Variants in ARHGEF10L observed in about 807,000 individuals in gnomAD.
ARHGEF10L encodes the protein Rho guanine nucleotide exchange factor 10 like.
Under a neutral mutation model 141.2 loss-of-function variants are expected in ARHGEF10L, and 69 were observed. The ratio of observed to expected loss-of-function variants is 0.49; its 90% confidence interval spans 0.40 to 0.60. The LOEUF (loss-of-function observed/expected upper bound fraction) is 0.60. ARHGEF10L is among the 20% of genes least tolerant of loss of function. The probability of loss-of-function intolerance (pLI) is 0.00; values close to 1 mark genes in which losing one functional copy is unlikely to be tolerated. For synonymous variants in ARHGEF10L, 711 were observed against 718.5 expected (o/e 0.99, Z 0.17); for missense variants, 1,482 against 1,734.3 (o/e 0.85, Z 2.58).
chr1:17,679,996 TGA>T (rs2063990570), intron 26 of ARHGEF10L, among the ~76,000 whole-genome samples: 1 of 152,138 alleles, frequency 6.6e-6, no homozygotes, highest in African/African-American at 2.4e-5. Flanking sequence ...TGCTCAGCGT[TGA>T]GAGTCCCCCA....
the ARHGEF10L span, among the ~76,000 whole-genome samples, chr1:17,520,676 C>T: frequency 1.1e-3 from 163 of 152,290 alleles, 1 homozygote; most frequent in Non-Finnish European, 1.9e-3. Context: ...GGTGTGACCC[C>T]GATCCTACAG....
intron 25 of ARHGEF10L, among the ~76,000 whole-genome samples, chr1:17,662,261 C>G (rs2062677094): frequency 6.6e-6 from 1 of 152,202 alleles, no homozygotes; most frequent in South Asian, 2.1e-4. Flanking sequence ...TGTGCGGACA[C>G]AGAACGCTGC....
chr1:17,619,499 G>T lies in ARHGEF10L; in HGVS notation c.942+54G>T. On this transcript the variant is annotated intron_variant, in intron 10 of 28. Coordinates refer to ENST00000361221, the MANE Select transcript of ARHGEF10L (RefSeq NM_018125.4). The surrounding 1 kb of genome is among the most constrained non-coding windows in gnomAD (Gnocchi z 5.0). ...TCTGCAGGGGAAGGGGTGGCTTGGG[G>T]GTTCCAGCCTGTTCTCTGGGGCCAC... The T allele has an allele frequency of 1.4e-6, 2 of 1,399,768 alleles. No individual in the cohort carries two copies. The highest frequency in any genetic ancestry group is 1.9e-6 in the Non-Finnish European group (2 of 1,026,396). The allele number at this position is 1,399,768 out of a possible 1,614,324, so 86.7% of individuals were successfully genotyped here. A position where few individuals can be genotyped will look rare whatever the true frequency, so the allele number is the denominator to read the frequency against.
At position 17,634,567 on chromosome 1, in the gene ARHGEF10L, G is replaced by A. The variant is rs751317810; in HGVS notation, c.1745+5G>A. Reference sequence around the variant, plus strand: ...TCCCAGGCCTGCCAACCACAGGTACGTGGTTCAGGGGGCTCCGGGGCTCTG... The same window carrying A: ...TCCCAGGCCTGCCAACCACAGGTACATGGTTCAGGGGGCTCCGGGGCTCTG... On this transcript the variant is annotated splice_donor_5th_base_variant and intron_variant, in intron 17 of 28. Coordinates refer to ENST00000361221, the MANE Select transcript of ARHGEF10L (RefSeq NM_018125.4). 10 of 1,613,958 alleles carry A rather than the reference G, an allele frequency of 6.2e-6. No homozygotes were observed. Among genetic ancestry groups the A allele is most frequent in the Admixed American group, 1.7e-5 (1 of 59,986 alleles).
intron 2 of ARHGEF10L, among the ~76,000 whole-genome samples, chr1:17,582,432 A>G (rs555541908): frequency 1.3e-5 from 2 of 152,234 alleles, no homozygotes; most frequent in African/African-American, 2.4e-5. Flanking sequence ...GCTCTTTGCC[A>G]TTTTCTCATT....
At chr1:17,570,942 A>G (rs2077970542) in intron 1 of ARHGEF10L, among the ~76,000 whole-genome samples, 1 of 151,974 alleles carries the variant, frequency 6.6e-6, no homozygotes, top group Non-Finnish European at 1.5e-5. Context: ...GACTGGGAGG[A>G]GCAGGGTTCT....
At chr1:17,663,493 G>T (rs1011593774) in intron 25 of ARHGEF10L, among the ~76,000 whole-genome samples, 3 of 151,506 alleles carry the variant, frequency 2.0e-5, no homozygotes, top group Non-Finnish European at 2.9e-5. Flanking sequence ...GGCAGAGGTT[G>T]CAGTGAGCCA....
the ARHGEF10L span, among the ~76,000 whole-genome samples, chr1:17,528,564 T>G: frequency 3.9e-4 from 60 of 152,022 alleles, no homozygotes; most frequent in African/African-American, 1.2e-3. Flanking sequence ...CATCCATCCA[T>G]CCAGCCATCC....
At chr1:17,631,899 T>G (rs1295016671) in intron 15 of ARHGEF10L, among the ~76,000 whole-genome samples, 1 of 152,198 alleles carries the variant, frequency 6.6e-6, no homozygotes, top group African/African-American at 2.4e-5. Flanking sequence ...CTGAGTAAAC[T>G]AAGGCTTGGA....
chr1:17,655,678 C>T (rs1268961808), intron 23 of ARHGEF10L, among the ~76,000 whole-genome samples: 3 of 152,240 alleles, frequency 2.0e-5, no homozygotes, highest in African/African-American at 7.2e-5. Context: ...AGCTCCTTAC[C>T]TGATTTCCTG....
intron 18 of ARHGEF10L, 78 bp downstream of exon 18, chr1:17,635,094 C>T: frequency 1.3e-6 from 2 of 1,566,294 alleles, no homozygotes; most frequent in Non-Finnish European, 8.7e-7. Flanking sequence ...CCTACCCAGG[C>T]TTGGCCCTGT....
chr1:17,682,155 G>A (rs2064176297), intron 26 of ARHGEF10L, among the ~76,000 whole-genome samples: 2 of 152,178 alleles, frequency 1.3e-5, no homozygotes, highest in African/African-American at 4.8e-5. Flanking sequence ...TCTGTGAGAA[G>A]TTCTAGGCAT....
intron 15 of ARHGEF10L, among the ~76,000 whole-genome samples, chr1:17,630,306 T>G (rs186942128): frequency 6.6e-6 from 1 of 152,356 alleles, no homozygotes; most frequent in Admixed American, 6.5e-5. Context: ...GGTTTTCTTT[T>G]TCTTTTTGTT....
At chr1:17,525,762 G>A in the ARHGEF10L span, among the ~76,000 whole-genome samples, 1 of 151,964 alleles carries the variant, frequency 6.6e-6, no homozygotes, top group East Asian at 1.9e-4. Flanking sequence ...CAGCACTTTG[G>A]GGGGCTGAGA....
At chr1:17,566,738 G>A (rs1408249239) in intron 1 of ARHGEF10L, among the ~76,000 whole-genome samples, 1 of 152,194 alleles carries the variant, frequency 6.6e-6, no homozygotes, top group Non-Finnish European at 1.5e-5. Flanking sequence ...TTGAATCTCA[G>A]TTCAGCCCCG....
In ARHGEF10L at chr1:17,656,734, G is replaced by A. The variant is rs185959681; in HGVS notation, c.2860+26G>A. 1.7e-4 allele frequency: 279 copies of A among 1,601,686 alleles called. No individual in the cohort carries two copies. The highest frequency in any genetic ancestry group is 1.4e-3 in the Admixed American group (83 of 59,692). On this transcript the variant is annotated intron_variant, in intron 25 of 28. Coordinates refer to ENST00000361221, the MANE Select transcript of ARHGEF10L (RefSeq NM_018125.4). This position sits in a 1 kb window ranked among gnomAD's most constrained non-coding sequence, Gnocchi z 4.9. ...GTGAGGACTGGGGGGAATGGGGGAA[G>A]GGGGGCAGTCCTGGATGCCAGCTGG... is the stretch of plus-strand genomic sequence containing the variant.
At chr1:17,622,936 G>A in intron 11 of ARHGEF10L, 60 bp from the exon 12 acceptor site, 2 of 1,542,038 alleles carry the variant, frequency 1.3e-6, no homozygotes, top group Non-Finnish European at 1.7e-6. Context: ...TTCTGCATGA[G>A]GGCAGGTAGG....
At chr1:17,555,416 G>A (rs967621376) in intron 1 of ARHGEF10L, among the ~76,000 whole-genome samples, 2 of 151,564 alleles carry the variant, frequency 1.3e-5, no homozygotes, top group South Asian at 2.1e-4. Context: ...AGGTTGGAGT[G>A]TAATGGCATG....
intron 26 of ARHGEF10L, among the ~76,000 whole-genome samples, chr1:17,669,938 AGG>A (rs1393364663): frequency 2.6e-5 from 4 of 152,210 alleles, no homozygotes; most frequent in African/African-American, 9.6e-5. Context: ...GGGATCCCAG[AGG>A]AGGCGAGAGG....
Sources: gnomAD v4.1 joint callset for allele counts (sites outside exome capture counted in the v4.1 genomes callset) on GRCh38, gnomAD v4.1.1 for gene constraint, Gnocchi (gnomAD v3.1) non-coding constraint, MANE v1.5 for transcripts, NCBI Gene and HGNC (gene_info 2026-07-23, HGNC 2026-07-21) for gene names.